The following NAT1 variants were observed in gnomAD, a reference collection of about 807,000 sequenced individuals.
NAT1 encodes N-acetyltransferase 1.
For missense variants in NAT1, 400 were observed against 339.2 expected (o/e 1.18, Z -1.41); for synonymous variants, 144 against 122.6 (o/e 1.17, Z -1.16).
intron 2 of NAT1, among the ~76,000 whole-genome samples, chr8:18,185,420 T>C (rs186058797): frequency 6.6e-6 from 1 of 152,280 alleles, no homozygotes; most frequent in East Asian, 1.9e-4. Context: ...ACCAAAATTT[T>C]CAAACTTATT....
upstream of NAT1, chr8:18,209,898 C>G (rs1803912422): frequency 6.6e-6 from 1 of 152,164 alleles, no homozygotes; most frequent in South Asian, 2.1e-4. Flanking sequence ...AGAGCACAGT[C>G]CTCCCAGCCG....
upstream of NAT1, among the ~76,000 whole-genome samples, chr8:18,205,883 A>C (rs1283936575): frequency 6.6e-6 from 1 of 152,128 alleles, no homozygotes; most frequent in East Asian, 1.9e-4. Flanking sequence ...CGGCAGACTG[A>C]GGGGTGCTCA....
At chr8:18,205,947 A>G (rs535975358), upstream of NAT1, among the ~76,000 whole-genome samples, 1 of 152,264 alleles carries the variant, frequency 6.6e-6, no homozygotes, top group Admixed American at 6.5e-5. Flanking sequence ...TTCAGGACTG[A>G]CAGTTCTCCA....
At chr8:18,184,248 G>A (rs138017091) in intron 2 of NAT1, among the ~76,000 whole-genome samples, 181 of 152,302 alleles carry the variant, frequency 1.2e-3, no homozygotes, top group African/African-American at 4.1e-3. Context: ...ATGCCTCGAA[G>A]GTTTACAATC....
chr8:18,189,460 A>C (rs1802891635), intron 2 of NAT1, among the ~76,000 whole-genome samples: 1 of 152,170 alleles, frequency 6.6e-6, no homozygotes, highest in Non-Finnish European at 1.5e-5. Flanking sequence ...TTGAAAAAGC[A>C]CGTGTAATAA....
intron 1 of NAT1, among the ~76,000 whole-genome samples, chr8:18,210,503 G>C (rs578133369): frequency 6.8e-6 from 1 of 148,070 alleles, no homozygotes; most frequent in Non-Finnish European, 1.5e-5. Context: ...TAAAGGACTT[G>C]TTGTGAGGAT....
rs1004169221 is a variant in NAT1, at chr8:18,210,154, T to C, written c.-112T>C. Reference sequence around the variant, plus strand: ...TGTGGGAGGATTGCATTCAGTCTAGTTCCTGGTTGCCGGCTGAAATAACCT... The same window carrying C: ...TGTGGGAGGATTGCATTCAGTCTAGCTCCTGGTTGCCGGCTGAAATAACCT... On this transcript the variant is annotated 5_prime_UTR_variant, in exon 1 of 3. Transcript: ENST00000307719. 1 of 152,266 alleles carries C rather than the reference T, an allele frequency of 6.6e-6. No homozygotes were observed. The highest frequency in any genetic ancestry group is 1.5e-5 in the Non-Finnish European group (1 of 68,106). The allele number at this position is 152,266 out of a possible 1,614,324, so 9.4% of individuals were successfully genotyped here.
chr8:18,172,811 T>C (rs945369489), intron 2 of NAT1, among the ~76,000 whole-genome samples: 2 of 152,140 alleles, frequency 1.3e-5, no homozygotes, highest in African/African-American at 4.8e-5. Context: ...TTGACTTCAA[T>C]TTAATTGAAT....
intron 2 of NAT1, among the ~76,000 whole-genome samples, chr8:18,179,680 G>T (rs149777534): frequency 6.6e-6 from 1 of 152,062 alleles, no homozygotes; most frequent in East Asian, 1.9e-4. Context: ...CAGAGGCGTG[G>T]GAGACAGAAT....
At chr8:18,217,911 C>T (rs1202116682) in intron 1 of NAT1, among the ~76,000 whole-genome samples, 1 of 152,096 alleles carries the variant, frequency 6.6e-6, no homozygotes, top group Non-Finnish European at 1.5e-5. Flanking sequence ...TTGCGGCTTC[C>T]TGCTATAGAG....
chr8:18,219,267 C>G (rs1053767999), intron 1 of NAT1, 144 bp from the exon 2 acceptor site: 1 of 597,524 alleles, frequency 1.7e-6, no homozygotes, highest in African/African-American at 1.9e-5. Context: ...TTATACAACT[C>G]AAATGTTCAC....
At chr8:18,189,769 A>G (rs566041853) in intron 2 of NAT1, among the ~76,000 whole-genome samples, 61 of 152,200 alleles carry the variant, frequency 4.0e-4, no homozygotes, top group African/African-American at 1.4e-3. Flanking sequence ...GTTGTTTAGG[A>G]TCACTGTTAT....
chr8:18,193,382 G>A (rs1228243866), intron 2 of NAT1, among the ~76,000 whole-genome samples: 5 of 149,718 alleles, frequency 3.3e-5, no homozygotes, highest in Admixed American at 1.3e-4. Context: ...GCTTGAGCCT[G>A]GGAGGCAGGG....
At chr8:18,185,198 C>A (rs895055560) in intron 2 of NAT1, among the ~76,000 whole-genome samples, 1 of 151,942 alleles carries the variant, frequency 6.6e-6, no homozygotes, top group Non-Finnish European at 1.5e-5. Context: ...GGGAAGAGTT[C>A]TTATTTTTTC....
upstream of NAT1, among the ~76,000 whole-genome samples, chr8:18,206,809 A>G (rs1446256937): frequency 6.6e-6 from 1 of 152,186 alleles, no homozygotes; most frequent in African/African-American, 2.4e-5. Context: ...ATTAGAAATT[A>G]TAGAAATTAT....
At chr8:18,188,183 T>C (rs1236184542) in intron 2 of NAT1, among the ~76,000 whole-genome samples, 1 of 152,230 alleles carries the variant, frequency 6.6e-6, no homozygotes, top group Non-Finnish European at 1.5e-5. Context: ...TCTGTATGTA[T>C]GTGATTTCAC....
At chr8:18,187,522 C>T (rs1802789295) in intron 2 of NAT1, among the ~76,000 whole-genome samples, 2 of 152,080 alleles carry the variant, frequency 1.3e-5, no homozygotes, top group Admixed American at 6.6e-5. Context: ...ACTACGCAGC[C>T]ATAAAAAAGA....
intron 2 of NAT1, among the ~76,000 whole-genome samples, chr8:18,189,509 T>C (rs2117251153): frequency 6.6e-6 from 1 of 152,316 alleles, no homozygotes; most frequent in South Asian, 2.1e-4. Context: ...GTTGATCAAA[T>C]ATTCACTACT....
rs533270905 is a variant in NAT1 at position 18,186,206 on chromosome 8, T to G, written n.92+15467T>G. On this transcript the variant is annotated intron_variant and non_coding_transcript_variant, in intron 2 of 4. Coordinates refer to the NAT1 transcript ENST00000517441. ...TTTATTAGCTAGTAGAAGATAGGCA[T>G]TGAAATTTCCCATTATGATTATAGG... 8.1e-4 allele frequency among the ~76,000 whole-genome samples: 123 copies of G among 152,336 alleles called. 1 individual carries two copies. Among genetic ancestry groups the G allele is most frequent in the African/African-American group, 2.8e-3 (117 of 41,594 alleles).
Sources: allele counts gnomAD v4.1 joint callset (sites outside exome capture counted in the v4.1 genomes callset), GRCh38; gene constraint gnomAD v4.1.1; transcripts MANE v1.5; gene names NCBI Gene and HGNC (gene_info 2026-07-23, HGNC 2026-07-21).